The following SANBR variants were observed in gnomAD, a reference collection of about 807,000 sequenced individuals.
The protein encoded by SANBR is SANT and BTB domain regulator of CSR, also known as SANT and BTB domain regulator of class switch recombination.
SANBR carries 77 observed loss-of-function variants against 101.8 expected under a neutral mutation model. That is an observed-to-expected ratio of 0.76 (90% CI 0.63 to 0.91). The LOEUF is 0.91. Ranked by LOEUF, SANBR falls within the 40% of genes least tolerant of loss-of-function variation. SANBR has a pLI of 0.00. For missense variants in SANBR, 875 were observed against 853.0 expected (o/e 1.03, Z -0.32); for synonymous variants, 279 against 274.7 (o/e 1.02, Z -0.15).
chr2:61,109,065 G>T, intron 15 of SANBR, 132 bp from the exon 16 acceptor site: 1 of 437,444 alleles, frequency 2.3e-6, no homozygotes, highest in East Asian at 3.5e-5. Context: ...CCTGGATATT[G>T]TGCTAGCCAG....
intron 5 of SANBR, among the ~76,000 whole-genome samples, chr2:61,076,552 C>G (rs555946187): frequency 3.8e-4 from 57 of 149,138 alleles, no homozygotes; most frequent in Admixed American, 6.6e-4. Context: ...GGCATGAACC[C>G]GGGAGGCGGA....
chr2:61,096,469 C>T (rs1213153091), intron 11 of SANBR, among the ~76,000 whole-genome samples: 1 of 152,200 alleles, frequency 6.6e-6, no homozygotes, highest in Non-Finnish European at 1.5e-5. Flanking sequence ...GGTGGCACAA[C>T]CTCTGTCTAC....
chr2:61,068,950 A>G lies in SANBR; in HGVS notation c.-45A>G, dbSNP rs1257090128. Reference sequence around the variant, plus strand: ...TGGACAGTCTGACTCCAGAGTCTGCACACTTAACCACTCCACTATTCTGGC... The same window carrying G: ...TGGACAGTCTGACTCCAGAGTCTGCGCACTTAACCACTCCACTATTCTGGC... On this transcript the variant is annotated 5_prime_UTR_variant, in exon 2 of 22. Coordinates refer to ENST00000402291, the MANE Select transcript of SANBR (RefSeq NM_001129993.3). The G allele has an allele frequency of 2.0e-5, 3 of 152,394 alleles. No homozygotes were observed. Among genetic ancestry groups the G allele is most frequent in the African/African-American group, 7.2e-5 (3 of 41,464 alleles). The allele number at this position is 152,394 out of a possible 1,614,324, so 9.4% of individuals were successfully genotyped here.
chr2:61,116,353 C>T (rs1388429248), intron 17 of SANBR, among the ~76,000 whole-genome samples: 1 of 152,070 alleles, frequency 6.6e-6, no homozygotes, highest in Non-Finnish European at 1.5e-5. Flanking sequence ...TGGAAGGCTA[C>T]ATAAGAACTC....
At chr2:61,117,431 G>C in intron 18 of SANBR, 36 bp from the exon 19 acceptor site, 2 of 1,612,558 alleles carry the variant, frequency 1.2e-6, no homozygotes, top group Non-Finnish European at 1.7e-6. Context: ...TCTTAAAGAA[G>C]CATCAATGCT....
At chr2:61,112,736 C>T (rs141450554) in intron 16 of SANBR, among the ~76,000 whole-genome samples, 9 of 152,174 alleles carry the variant, frequency 5.9e-5, no homozygotes, top group East Asian at 5.8e-4. Flanking sequence ...TCAGGTGATC[C>T]GCCTGCCTCG....
intron 20 of SANBR, 25 bp downstream of exon 20, chr2:61,118,141 G>A (rs1455416204): frequency 1.4e-6 from 2 of 1,474,808 alleles, no homozygotes; most frequent in East Asian, 2.3e-5. Context: ...CTAGTGTATT[G>A]TACTTGTGTA....
intron 21 of SANBR, chr2:61,134,308 T>C: frequency 1.3e-6 from 2 of 1,528,018 alleles, no homozygotes; most frequent in African/African-American, 1.4e-5. Flanking sequence ...CTATTATTAG[T>C]AGACCACATG....
intron 6 of SANBR, among the ~76,000 whole-genome samples, chr2:61,080,745 A>C (rs759966617): frequency 5.3e-5 from 8 of 152,200 alleles, no homozygotes; most frequent in East Asian, 1.9e-4. Context: ...ACAAAAAAAA[A>C]CAAAAAACCT....
At chr2:61,134,019 C>A in intron 20 of SANBR, 3 of 1,473,662 alleles carry the variant, frequency 2.0e-6, no homozygotes, top group East Asian at 2.3e-5. Context: ...GAAATATAAC[C>A]CACAATCTCA....
intron 12 of SANBR, among the ~76,000 whole-genome samples, chr2:61,100,944 T>C (rs1432459007): frequency 1.3e-5 from 2 of 152,012 alleles, no homozygotes; most frequent in African/African-American, 2.4e-5. Context: ...TTATCTAGAG[T>C]TAGGATTTTG....
chr2:61,081,671 CAG>C (rs1206850326), intron 7 of SANBR, among the ~76,000 whole-genome samples, 161 bp downstream of exon 7: 1 of 152,020 alleles, frequency 6.6e-6, no homozygotes, highest in Non-Finnish European at 1.5e-5. Context: ...TTTCTTGAGA[CAG>C]AGTCTCGCTC....
chr2:61,091,052 C>G (rs1295614610), intron 10 of SANBR, among the ~76,000 whole-genome samples: 8 of 151,924 alleles, frequency 5.3e-5, no homozygotes, highest in African/African-American at 2.4e-5. Flanking sequence ...GTAAGCCTCT[C>G]TGGCCTAAAA....
chr2:61,123,474 G>C lies in SANBR; in HGVS notation c.*1312G>C. 9.2e-6 allele frequency: 9 copies of C among 979,232 alleles called. No individual in the cohort carries two copies. The highest frequency in any genetic ancestry group is 1.1e-5 in the Non-Finnish European group (9 of 824,218). 60.7% of individuals were successfully genotyped at this position (979,232 alleles called of 1,614,324 possible). A position where few individuals can be genotyped will look rare whatever the true frequency, so the allele number is the denominator to read the frequency against. On this transcript the variant is annotated 3_prime_UTR_variant, in exon 22 of 22. Coordinates refer to ENST00000402291, the MANE Select transcript of SANBR (RefSeq NM_001129993.3). ...TTTTGAACTGCTGTTTAGAAATTTTGTTCCCATTTATATTTGTTTCAATTG... is the reference window on the plus strand; with the variant it reads ...TTTTGAACTGCTGTTTAGAAATTTTCTTCCCATTTATATTTGTTTCAATTG...
intron 12 of SANBR, 51 bp downstream of exon 12, chr2:61,097,903 T>A: frequency 6.9e-7 from 1 of 1,452,790 alleles, no homozygotes; most frequent in Non-Finnish European, 9.5e-7. Flanking sequence ...AGTATAACAG[T>A]AATACATTAA....
chr2:61,067,366 A>C (rs1295057388), intron 1 of SANBR, among the ~76,000 whole-genome samples: 2 of 152,214 alleles, frequency 1.3e-5, no homozygotes, highest in Non-Finnish European at 2.9e-5. Context: ...GGAAGTGAAG[A>C]GAAATGAGCT....
intron 20 of SANBR, among the ~76,000 whole-genome samples, chr2:61,132,197 G>A (rs1684709550): frequency 1.3e-5 from 2 of 152,120 alleles, no homozygotes; most frequent in Non-Finnish European, 2.9e-5. Context: ...AAACTTTTAT[G>A]CTTCAAAGAA....
rs531083656 is a variant in SANBR at position 61,116,071 on chromosome 2, G to C, written c.1836+1G>C. On this transcript the variant is annotated splice_donor_variant, in intron 17 of 21. Coordinates refer to ENST00000402291, the MANE Select transcript of SANBR (RefSeq NM_001129993.3). LOFTEE classifies it high-confidence loss of function. Reference sequence around the variant, plus strand: ...GAGGAAAGAAAAGGCATTGGAGAAGGTAACTCTGAATTATCTGTTGTTAAA... The same window carrying C: ...GAGGAAAGAAAAGGCATTGGAGAAGCTAACTCTGAATTATCTGTTGTTAAA... 5 of 1,588,390 alleles carry C rather than the reference G, an allele frequency of 3.1e-6. No homozygotes were observed. The South Asian group carries it at 5.7e-5, about 18-fold the overall frequency.
At chr2:61,131,371 G>A (rs1684684153) in intron 20 of SANBR, among the ~76,000 whole-genome samples, 1 of 152,078 alleles carries the variant, frequency 6.6e-6, no homozygotes, top group African/African-American at 2.4e-5. Flanking sequence ...GGATCAATAT[G>A]AAGAAATCAA....
Sources: gnomAD v4.1 joint callset for allele counts (sites outside exome capture counted in the v4.1 genomes callset) on GRCh38, gnomAD v4.1.1 for gene constraint, MANE v1.5 for transcripts, NCBI Gene and HGNC (gene_info 2026-07-23, HGNC 2026-07-21) for gene names.